The following TFAP2E variants were observed in gnomAD, a reference collection of about 807,000 sequenced individuals.
TFAP2E encodes the protein transcription factor AP-2 epsilon.
Under a neutral mutation model 37.9 loss-of-function variants are expected in TFAP2E, and 30 were observed. That is an observed-to-expected ratio of 0.79 (90% CI 0.59 to 1.07). The LOEUF (loss-of-function observed/expected upper bound fraction) is 1.07, where lower values mean the gene tolerates loss of function less well. TFAP2E is among the 50% of genes least tolerant of loss of function. The probability of loss-of-function intolerance (pLI) is 0.00; values close to 1 mark genes in which losing one functional copy is unlikely to be tolerated. For missense variants in TFAP2E, 567 were observed against 637.9 expected, an observed-to-expected ratio of 0.89 and a Z score of 1.20; for synonymous variants, 318 against 295.8, an observed-to-expected ratio of 1.08 and a Z score of -0.77.
intron 3 of TFAP2E, among the ~76,000 whole-genome samples, chr1:35,580,003 T>C (rs1048513207): frequency 3.3e-5 from 5 of 151,896 alleles, no homozygotes; most frequent in Admixed American, 3.3e-4. Flanking sequence ...GGTCAGGAGA[T>C]TGAGACCAGC....
Position 35,590,147 on chromosome 1 carries a change from G to A in TFAP2E, c.904+99G>A. On this transcript the variant is annotated intron_variant, in intron 5 of 6. Transcript: ENST00000373235. The surrounding 1 kb of genome is among the most constrained non-coding windows in gnomAD (Gnocchi z 6.2). ...TGCAGGAGGGTGTGTTTAGTGGTGTGTGTGTATCCGTGTAAGTGTTGCAGT... is the reference window on the plus strand; with the variant it reads ...TGCAGGAGGGTGTGTTTAGTGGTGTATGTGTATCCGTGTAAGTGTTGCAGT... The A allele has an allele frequency of 4.7e-6, 5 of 1,064,994 alleles. No individual in the cohort carries two copies. The highest frequency in any genetic ancestry group is 2.6e-5 in the South Asian group (2 of 75,728). The allele number at this position is 1,064,994 out of a possible 1,614,324, so 66.0% of individuals were successfully genotyped here. A position where few individuals can be genotyped will look rare whatever the true frequency, so the allele number is the denominator to read the frequency against.
chr1:35,576,436 C>T (rs2148545542), intron 3 of TFAP2E, among the ~76,000 whole-genome samples: 1 of 152,240 alleles, frequency 6.6e-6, no homozygotes, highest in African/African-American at 2.4e-5. Flanking sequence ...TTCTTGACCC[C>T]TGAAGAAAGA....
chr1:35,574,218 G>A lies in TFAP2E; in HGVS notation c.319G>A (p.Ala107Thr), dbSNP rs574459468. 1.0e-3 allele frequency: 1,288 copies of A among 1,238,832 alleles called. 10 individuals carry two copies. In the African/African-American group the frequency reaches 0.019, roughly 19 times the overall value. The allele number at this position is 1,238,832 out of a possible 1,614,324, so 76.7% of individuals were successfully genotyped here. A position where few individuals can be genotyped will look rare whatever the true frequency, so the allele number is the denominator to read the frequency against. The change falls in exon 2 of 7, where the codon GCC becomes ACC. Residue 107 changes from alanine (A) to threonine (T), a missense_variant. Physicochemically the swap from Ala to Thr is moderately conservative, Grantham distance 58. This residue lies in a region of TFAP2E where 312 missense variants were observed against 317.4 expected (regional missense o/e 0.98). Transcript: ENST00000373235. ...QAAWAAPRAA[A>T]RAHEEPPGLL... ...CGCCTGGGCCGCGCCCCGCGCAGCC[G>A]CCCGCGCCCACGAGGAGCCTCCCGG... is the stretch of plus-strand genomic sequence containing the variant.
At chr1:35,574,649 A>G (rs1265797295) in intron 2 of TFAP2E, 1 of 714,884 alleles carries the variant, frequency 1.4e-6, no homozygotes, top group Non-Finnish European at 2.2e-6. Flanking sequence ...GGACCGAATC[A>G]CTTCTTTTCT....
chr1:35,591,060 C>T (rs1557439175), intron 6 of TFAP2E, among the ~76,000 whole-genome samples: 1 of 152,142 alleles, frequency 6.6e-6, no homozygotes, highest in South Asian at 2.1e-4. Flanking sequence ...CACGTACCTG[C>T]GGCCCATGTG....
At position 35,588,120 on chromosome 1, in the gene TFAP2E, C is replaced by T. The variant is rs1649542922; in HGVS notation, c.563-210C>T. 2.0e-5 allele frequency among the ~76,000 whole-genome samples: 3 copies of T among 152,210 alleles called. 1 individual carries two copies. On this transcript the variant is annotated intron_variant, in intron 3 of 6. Transcript: ENST00000373235. This position sits in a 1 kb window ranked among gnomAD's most constrained non-coding sequence, Gnocchi z 5.1. ...TGTTTGAGTTTAAGATAGGACCAGC[C>T]TGGTTCAGTGAGGGGGACACAGATT...
In TFAP2E at chr1:35,588,305, C is replaced by A; in HGVS notation, c.563-25C>A. The stretch of plus-strand genomic sequence containing the variant: ...TGGGGCTGTGTGCGGCAGCCACTGG[C>A]TCAGCGTTTCCCTCTTCTCCACAGT... On this transcript the variant is annotated intron_variant, in intron 3 of 6. Transcript: ENST00000373235. The surrounding 1 kb of genome is among the most constrained non-coding windows in gnomAD (Gnocchi z 5.1). 1 of 1,586,558 alleles carries A rather than the reference C, an allele frequency of 6.3e-7. No homozygotes were observed. Among genetic ancestry groups the A allele is most frequent in the Non-Finnish European group, 8.6e-7 (1 of 1,161,762 alleles).
intron 3 of TFAP2E, among the ~76,000 whole-genome samples, chr1:35,581,982 TCTC>T (rs1265092953): frequency 6.6e-6 from 1 of 152,064 alleles, no homozygotes; most frequent in African/African-American, 2.4e-5. Flanking sequence ...TTCAAGCAAT[TCTC>T]CTGCCTCAGC....
chr1:35,583,869 G>GA (rs1027606274), intron 3 of TFAP2E, among the ~76,000 whole-genome samples: 1 of 151,782 alleles, frequency 6.6e-6, no homozygotes, highest in African/African-American at 2.4e-5. Flanking sequence ...GAAGCTCTGA[G>GA]AAAAAAAGGG....
At chr1:35,582,766 C>A (rs1282707786) in intron 3 of TFAP2E, among the ~76,000 whole-genome samples, 2 of 152,044 alleles carry the variant, frequency 1.3e-5, no homozygotes, top group Non-Finnish European at 2.9e-5. Context: ...CTCAAGTGAT[C>A]CCCCTGCCTG....
At chr1:35,579,966 G>C (rs1649298245) in intron 3 of TFAP2E, among the ~76,000 whole-genome samples, 1 of 152,060 alleles carries the variant, frequency 6.6e-6, no homozygotes, top group African/African-American at 2.4e-5. Flanking sequence ...CAGCACTTTG[G>C]GAGGCCGAGG....
At chr1:35,579,529 G>A (rs1649286241) in intron 3 of TFAP2E, among the ~76,000 whole-genome samples, 1 of 151,888 alleles carries the variant, frequency 6.6e-6, no homozygotes, top group African/African-American at 2.4e-5. Flanking sequence ...CAAGTAGCTG[G>A]GATTACAGGT....
chr1:35,594,062 G>A (rs1468520035), intron 6 of TFAP2E, among the ~76,000 whole-genome samples: 2 of 152,312 alleles, frequency 1.3e-5, no homozygotes, highest in Middle Eastern at 3.4e-3. Context: ...TTGAGTGTTT[G>A]GGGTGGGAGA....
chr1:35,584,752 G>A (rs2148550229), intron 3 of TFAP2E, among the ~76,000 whole-genome samples: 1 of 152,052 alleles, frequency 6.6e-6, no homozygotes, highest in South Asian at 2.1e-4. Flanking sequence ...TGCCCAGGCT[G>A]GTCTTGAACT....
chr1:35,581,328 A>G (rs1183640602), intron 3 of TFAP2E, among the ~76,000 whole-genome samples: 3 of 152,112 alleles, frequency 2.0e-5, no homozygotes, highest in African/African-American at 7.2e-5. Context: ...GGTTGTTTCC[A>G]CTTTTTAGCT....
intron 3 of TFAP2E, among the ~76,000 whole-genome samples, chr1:35,585,434 G>A (rs1368843644): frequency 1.3e-5 from 2 of 152,130 alleles, no homozygotes; most frequent in Non-Finnish European, 2.9e-5. Flanking sequence ...CACTTACTAT[G>A]TTACCTGTTG....
Position 35,588,362 on chromosome 1 carries a change from G to A in TFAP2E, c.595G>A (p.Ala199Thr). 6.2e-7 allele frequency: 1 copy of A among 1,613,474 alleles called. No homozygotes were observed. Among genetic ancestry groups the A allele is most frequent in the Non-Finnish European group, 8.5e-7 (1 of 1,179,906 alleles). Residue 199 changes from alanine to threonine, a missense_variant, in exon 4 of 7, where the codon GCC (alanine) becomes ACC (threonine). Coordinates refer to ENST00000373235, the MANE Select transcript of TFAP2E (RefSeq NM_178548.4). The surrounding 1 kb of genome is among the most constrained non-coding windows in gnomAD (Gnocchi z 5.1). ...PIPSKASSLS[A>T]LSLAKDSLVG... ...CCCCTCCAAAGCCAGCAGCCTCTCA[G>A]CCCTCTCCTTGGCCAAAGACAGCCT...
rs1331100888 is a variant in TFAP2E, at chr1:35,574,157, C to T, written c.258C>T (p.Gly86=). The change falls in exon 2 of 7, where the codon GGC becomes GGT. Residue 86 remains glycine, a synonymous_variant. Coordinates refer to ENST00000373235, the MANE Select transcript of TFAP2E (RefSeq NM_178548.4). ...FPHLAGDPYG[G]LAPLAQPQPP... is the part of the protein sequence containing the mutation. ...ACCTGGCAGGGGACCCATATGGCGG[C>T]CTGGCGCCCCTGGCGCAGCCGCAGC... 7.0e-7 allele frequency: 1 copy of T among 1,424,460 alleles called. No homozygotes were observed. The highest frequency in any genetic ancestry group is 9.2e-7 in the Non-Finnish European group (1 of 1,089,170). The allele number at this position is 1,424,460 out of a possible 1,614,324, so 88.2% of individuals were successfully genotyped here.
intron 3 of TFAP2E, 109 bp downstream of exon 3, chr1:35,575,109 T>G: frequency 7.2e-7 from 1 of 1,392,758 alleles, no homozygotes; most frequent in Non-Finnish European, 1.0e-6. Context: ...AGGCTGGGTG[T>G]CCACCAGGCA....
Sources: allele counts gnomAD v4.1 joint callset (sites outside exome capture counted in the v4.1 genomes callset), GRCh38; gene constraint gnomAD v4.1.1; regional missense constraint gnomAD v4.1.1; non-coding constraint Gnocchi (gnomAD v3.1); transcripts MANE v1.5; gene names NCBI Gene and HGNC (gene_info 2026-07-23, HGNC 2026-07-21).